Variants in EIF4E observed in about 807,000 individuals in gnomAD.
EIF4E encodes eIF-4F 25 kDa subunit.
For missense variants in EIF4E, 113 were observed against 265.6 expected (o/e 0.43, Z 3.99); for synonymous variants, 71 against 88.5 (o/e 0.80, Z 1.11).
At position 98,884,939 on chromosome 4, in the gene EIF4E, T is replaced by G; in HGVS notation, c.522A>C (p.Glu174Asp). Residue 174 changes from glutamate to aspartate, a missense_variant, in exon 6 of 7, where the codon GAA becomes GAC. By Grantham distance (45) the Glu-to-Asp change is conservative. Coordinates refer to ENST00000450253, the MANE Select transcript of EIF4E (RefSeq NM_001968.5). Reference protein sequence around the residue: ...AIWTTECENREAVTHIGRVYK... With the variant: ...AIWTTECENRDAVTHIGRVYK... Reference sequence around the variant, plus strand: ...AAACTTACCCTATATGTGTAACAGCTTCTCTGTTTTCACATTCAGTAGTCC... The same window carrying G: ...AAACTTACCCTATATGTGTAACAGCGTCTCTGTTTTCACATTCAGTAGTCC... 6.2e-7 allele frequency: 1 copy of G among 1,613,020 alleles called. No individual in the cohort carries two copies. The highest frequency in any genetic ancestry group is 8.5e-7 in the Non-Finnish European group (1 of 1,179,860).
chr4:98,927,984 A>C (rs577820540), intron 1 of EIF4E, among the ~76,000 whole-genome samples: 1 of 152,210 alleles, frequency 6.6e-6, no homozygotes, highest in Non-Finnish European at 1.5e-5. Context: ...AGCTTGCTTC[A>C]GTTAAGTTTA....
intron 1 of EIF4E, among the ~76,000 whole-genome samples, chr4:98,902,584 C>T (rs1020820081): frequency 2.6e-5 from 4 of 152,018 alleles, no homozygotes; most frequent in African/African-American, 4.8e-5. Flanking sequence ...ACAGACTATG[C>T]AACAAAGTTG....
At position 98,887,816 on chromosome 4, in the gene EIF4E, T is replaced by C. The variant is rs917401265; in HGVS notation, c.285+73A>G. ...ACACTATCAAATATTCCTAAGTTTA[T>C]GGTAAGATTTCTTAATGAATACCAA... On this transcript the variant is annotated intron_variant, in intron 4 of 6. Transcript: ENST00000450253. This position sits in a 1 kb window ranked among gnomAD's most constrained non-coding sequence, Gnocchi z 4.0. The C allele has an allele frequency of 3.8e-5, 51 of 1,353,190 alleles. No individual in the cohort carries two copies. Among genetic ancestry groups the C allele is most frequent in the Admixed American group, 1.4e-4 (8 of 55,906 alleles). The allele number at this position is 1,353,190 out of a possible 1,614,324, so 83.8% of individuals were successfully genotyped here.
At chr4:98,909,000 C>T (rs1338506117) in intron 1 of EIF4E, among the ~76,000 whole-genome samples, 1 of 152,190 alleles carries the variant, frequency 6.6e-6, no homozygotes, top group African/African-American at 2.4e-5. Context: ...GATTCTCTTT[C>T]TAGGCAACAT....
rs79357463 is a variant in EIF4E at position 98,924,979 on chromosome 4, T to C, written c.18+4116A>G. The stretch of plus-strand genomic sequence containing the variant: ...CGTGGATTATCGAGGAACTCTGATA[T>C]AGTGGGTTCTTTCATTAAGCAAAAA... On this transcript the variant is annotated intron_variant, in intron 1 of 6. Transcript: ENST00000450253. Among the ~76,000 whole-genome samples, 1,341 of 152,322 alleles carry C rather than the reference T, an allele frequency of 8.8e-3. 22 individuals are homozygous for C. The highest frequency in any genetic ancestry group is 0.031 in the African/African-American group (1,279 of 41,558).
At chr4:98,899,722 T>C (rs1261759039) in intron 2 of EIF4E, among the ~76,000 whole-genome samples, 1 of 152,120 alleles carries the variant, frequency 6.6e-6, no homozygotes, top group African/African-American at 2.4e-5. Flanking sequence ...AGGTAAAATA[T>C]GCACATACAA....
At chr4:98,909,189 G>GT (rs1371198727) in intron 1 of EIF4E, among the ~76,000 whole-genome samples, 6 of 152,176 alleles carry the variant, frequency 3.9e-5, no homozygotes, top group African/African-American at 1.4e-4. Context: ...TATATAGTGA[G>GT]TTTGTATTAT....
At chr4:98,903,609 A>G in intron 1 of EIF4E, 1 of 381,766 alleles carries the variant, frequency 2.6e-6, no homozygotes, top group Non-Finnish European at 5.1e-6. Flanking sequence ...CTCCCAAGGG[A>G]TATGTTTTTT....
At chr4:98,882,638 T>A (rs1723747035) in intron 6 of EIF4E, among the ~76,000 whole-genome samples, 1 of 151,986 alleles carries the variant, frequency 6.6e-6, no homozygotes, top group East Asian at 1.9e-4. Context: ...TGCATTATAA[T>A]GCAATGCATT....
intron 1 of EIF4E, among the ~76,000 whole-genome samples, chr4:98,919,558 CT>C (rs532537834): frequency 0.013 from 1,673 of 131,870 alleles, 6 homozygotes; most frequent in Non-Finnish European, 0.021. Flanking sequence ...GATTCTTTTT[CT>C]TTTTTTTTTT....
chr4:98,898,125 A>C (rs999121910), intron 2 of EIF4E, among the ~76,000 whole-genome samples: 1 of 150,172 alleles, frequency 6.7e-6, no homozygotes, highest in Non-Finnish European at 1.5e-5. Flanking sequence ...AGGGGGGGGA[A>C]AAAAGAAACC....
At chr4:98,900,744 C>A (rs1394738197) in intron 2 of EIF4E, among the ~76,000 whole-genome samples, 1 of 152,172 alleles carries the variant, frequency 6.6e-6, no homozygotes, top group Non-Finnish European at 1.5e-5. Context: ...TAAAAACAAA[C>A]CTACTGGAAA....
intron 2 of EIF4E, among the ~76,000 whole-genome samples, chr4:98,896,770 G>A (rs1294151727): frequency 6.7e-6 from 1 of 149,780 alleles, no homozygotes; most frequent in East Asian, 2.0e-4. Flanking sequence ...TTGAGTCTAC[G>A]AGTTCAAGGC....
intron 6 of EIF4E, among the ~76,000 whole-genome samples, chr4:98,882,399 A>C (rs1176460610): frequency 7.4e-5 from 11 of 148,594 alleles, no homozygotes; most frequent in Non-Finnish European, 1.3e-4. Context: ...TCCGTCTCAA[A>C]AAAAAAAAAA....
chr4:98,900,908 T>C (rs1724615434), intron 2 of EIF4E, among the ~76,000 whole-genome samples: 2 of 152,162 alleles, frequency 1.3e-5, no homozygotes, highest in African/African-American at 4.8e-5. Flanking sequence ...ATTCCCTGGC[T>C]CTCGTTTCTC....
chr4:98,899,082 A>T (rs1398948049), intron 2 of EIF4E, among the ~76,000 whole-genome samples: 1 of 151,892 alleles, frequency 6.6e-6, no homozygotes. Context: ...ACAATTCCAC[A>T]GACAATGTTA....
intron 2 of EIF4E, 85 bp from the exon 3 acceptor site, chr4:98,891,417 A>G (rs1724138223): frequency 8.5e-7 from 1 of 1,170,992 alleles, no homozygotes; most frequent in Non-Finnish European, 1.2e-6. Flanking sequence ...AAAAGGTAGA[A>G]GCAACCCACC....
At chr4:98,911,256 G>T (rs1235521036) in intron 1 of EIF4E, among the ~76,000 whole-genome samples, 1 of 151,130 alleles carries the variant, frequency 6.6e-6, no homozygotes, top group Admixed American at 6.6e-5. Flanking sequence ...CACCATCTTG[G>T]CCAGACTGGT....
At chr4:98,888,075 T>C in intron 3 of EIF4E, 123 bp from the exon 4 acceptor site, 2 of 835,290 alleles carry the variant, frequency 2.4e-6, no homozygotes, top group Non-Finnish European at 3.7e-6. Flanking sequence ...GTTTACTTGT[T>C]TCTAAGGAGT....
Sources: gnomAD v4.1 joint callset for allele counts (sites outside exome capture counted in the v4.1 genomes callset) on GRCh38, gnomAD v4.1.1 for gene constraint, Gnocchi (gnomAD v3.1) non-coding constraint, MANE v1.5 for transcripts, NCBI Gene and HGNC (gene_info 2026-07-23, HGNC 2026-07-21) for gene names.